Variants in SCGB2B2 observed in about 807,000 individuals in gnomAD.
The protein encoded by SCGB2B2 is secretoglobin-like protein.
A neutral mutation model predicts 7.6 loss-of-function variants in SCGB2B2; 11 were observed. The observed-to-expected ratio is 1.45, with a 90% CI of 0.91 to 2.40. The LOEUF is 2.40. SCGB2B2 is among the 30% of genes most tolerant of loss of function. SCGB2B2 has a pLI of 0.00. For synonymous variants in SCGB2B2, 50 were observed against 48.6 expected, an observed-to-expected ratio of 1.03 and a Z score of -0.12; for missense variants, 104 against 115.4, an observed-to-expected ratio of 0.90 and a Z score of 0.45.
intron 1 of SCGB2B2, among the ~76,000 whole-genome samples, chr19:34,669,593 G>A (rs2067743065): frequency 6.6e-6 from 1 of 152,202 alleles, no homozygotes; most frequent in Middle Eastern, 3.4e-3. Flanking sequence ...GGAGGACACA[G>A]GATGTCACAG....
intron 1 of SCGB2B2, among the ~76,000 whole-genome samples, chr19:34,658,616 G>T (rs970988230): frequency 4.6e-5 from 7 of 151,808 alleles, no homozygotes; most frequent in African/African-American, 1.7e-4. Flanking sequence ...TTAATAGTCT[G>T]CCAACCAAAA....
downstream of SCGB2B2, among the ~76,000 whole-genome samples, chr19:34,589,868 C>T (rs191601654): frequency 1.1e-4 from 17 of 152,146 alleles, no homozygotes; most frequent in East Asian, 5.8e-4. Flanking sequence ...TTTCCTGGAG[C>T]CGCAGGTGCT....
At chr19:34,667,458 CCTG>C (rs1467794562) in intron 1 of SCGB2B2, among the ~76,000 whole-genome samples, 2 of 152,162 alleles carry the variant, frequency 1.3e-5, no homozygotes, top group African/African-American at 2.4e-5. Context: ...CAGCTCCTGC[CCTG>C]CTGCTGCCCC....
At position 34,592,382 on chromosome 19, in the gene SCGB2B2, A is replaced by G. The variant is rs1263012380; in HGVS notation, c.*1173T>C. ...AGATCCAGGCTGGTATTCCCATGGA[A>G]GGGGAGTGAGGCTGGAGGCAGGGAG... On this transcript the variant is annotated 3_prime_UTR_variant, in exon 4 of 4. Coordinates refer to ENST00000601241, the MANE Select transcript of SCGB2B2 (RefSeq NM_001025591.4). Among the ~76,000 whole-genome samples the G allele has an allele frequency of 1.3e-5, 2 of 150,104 alleles. No individual in the cohort carries two copies. Among genetic ancestry groups the G allele is most frequent in the African/African-American group, 2.4e-5 (1 of 41,320 alleles).
chr19:34,635,305 G>A (rs2066645432), intron 1 of SCGB2B2: 1 of 294,170 alleles, frequency 3.4e-6, no homozygotes, highest in South Asian at 4.3e-5. Flanking sequence ...TGCTGAATGA[G>A]TGTGTGTTTG....
chr19:34,654,211 T>C (rs1336035666), intron 1 of SCGB2B2, among the ~76,000 whole-genome samples: 2 of 151,230 alleles, frequency 1.3e-5, no homozygotes, highest in Non-Finnish European at 2.9e-5. Flanking sequence ...AATAAACATA[T>C]ACAAGATTTT....
intron 1 of SCGB2B2, chr19:34,635,680 A>G: frequency 5.1e-6 from 1 of 196,724 alleles, no homozygotes; most frequent in Non-Finnish European, 1.1e-5. Flanking sequence ...CATTCACTGC[A>G]CCTGTGATAC....
chr19:34,645,459 C>T (rs1186260751), intron 1 of SCGB2B2: 1 of 160,238 alleles, frequency 6.2e-6, no homozygotes, highest in Non-Finnish European at 1.4e-5. Flanking sequence ...GCCAAGGGCC[C>T]TGGGTCTCTC....
At chr19:34,642,764 T>A (rs2146018099) in intron 1 of SCGB2B2, among the ~76,000 whole-genome samples, 1 of 117,274 alleles carries the variant, frequency 8.5e-6, no homozygotes, top group Admixed American at 8.9e-5. Context: ...TGAACCAACA[T>A]CTCTCTAAAG....
chr19:34,593,807 ATG>A (rs1030929223), intron 3 of SCGB2B2, among the ~76,000 whole-genome samples: 3 of 151,842 alleles, frequency 2.0e-5, no homozygotes, highest in African/African-American at 7.3e-5. Flanking sequence ...ACGTGTATGC[ATG>A]TGTGTGGGCA....
intron 1 of SCGB2B2, among the ~76,000 whole-genome samples, chr19:34,625,807 G>C (rs538949125): frequency 2.6e-5 from 4 of 152,174 alleles, no homozygotes; most frequent in African/African-American, 9.7e-5. Context: ...ATCTGAGAAC[G>C]GACAGACTGC....
At chr19:34,603,793 TAC>T (rs1491427333) in intron 1 of SCGB2B2, among the ~76,000 whole-genome samples, 16 of 116,180 alleles carry the variant, frequency 1.4e-4, no homozygotes, top group South Asian at 3.2e-4. Context: ...AATGTTTTAT[TAC>T]TTTTTTTTTT....
intron 1 of SCGB2B2, among the ~76,000 whole-genome samples, chr19:34,596,935 A>T (rs1367141475): frequency 6.6e-6 from 1 of 151,924 alleles, no homozygotes; most frequent in Non-Finnish European, 1.5e-5. Flanking sequence ...AAGTGGAGCC[A>T]GCTGGAGGGG....
chr19:34,607,383 C>G (rs761159615), intron 1 of SCGB2B2, among the ~76,000 whole-genome samples: 1 of 152,070 alleles, frequency 6.6e-6, no homozygotes, highest in Non-Finnish European at 1.5e-5. Context: ...TAGGTTGTTT[C>G]CCTATCTTGG....
At chr19:34,622,028 G>T (rs1261484142) in intron 1 of SCGB2B2, among the ~76,000 whole-genome samples, 1 of 152,206 alleles carries the variant, frequency 6.6e-6, no homozygotes, top group African/African-American at 2.4e-5. Context: ...TCTCTTAGAA[G>T]ACAGCAGTTC....
At chr19:34,650,401 A>G (rs1450833197) in intron 1 of SCGB2B2, among the ~76,000 whole-genome samples, 1 of 151,246 alleles carries the variant, frequency 6.6e-6, no homozygotes, top group African/African-American at 2.5e-5. Context: ...CAGCCACATC[A>G]CTGCGGAATT....
intron 1 of SCGB2B2, among the ~76,000 whole-genome samples, chr19:34,644,361 T>TG (rs57203830): frequency 2.0e-5 from 2 of 98,116 alleles, no homozygotes; most frequent in Non-Finnish European, 4.8e-5. Context: ...TTTTTTTTTT[T>TG]GTTTTTTTTT....
chr19:34,602,990 G>T (rs1476799251), intron 1 of SCGB2B2, among the ~76,000 whole-genome samples: 1 of 152,094 alleles, frequency 6.6e-6, no homozygotes, highest in Non-Finnish European at 1.5e-5. Context: ...TTAAGTATTT[G>T]CCAGAACTTT....
At chr19:34,614,594 A>G (rs570841340) in intron 1 of SCGB2B2, among the ~76,000 whole-genome samples, 1 of 152,080 alleles carries the variant, frequency 6.6e-6, no homozygotes, top group Non-Finnish European at 1.5e-5. Flanking sequence ...TTCCTTTTCC[A>G]TAGGTCATTT....
Sources: gnomAD v4.1 joint callset for allele counts (sites outside exome capture counted in the v4.1 genomes callset) on GRCh38, gnomAD v4.1.1 for gene constraint, MANE v1.5 for transcripts, NCBI Gene and HGNC (gene_info 2026-07-23, HGNC 2026-07-21) for gene names.